COL11A1: variants seen among roughly 807,000 people sequenced by gnomAD.
COL11A1 encodes collagen type XI alpha 1 chain.
A neutral mutation model predicts 265.2 loss-of-function variants in COL11A1; 74 were observed. The ratio of observed to expected loss-of-function variants is 0.28; its 90% CI spans 0.23 to 0.34. COL11A1 has a LOEUF of 0.34. Ranked by LOEUF, COL11A1 falls within the 10% of genes least tolerant of loss-of-function variation. The pLI, the probability that COL11A1 is intolerant of heterozygous loss-of-function variation, is 1.00. For synonymous variants in COL11A1, 816 were observed against 727.6 expected, an observed-to-expected ratio of 1.12 and a Z score of -1.96; for missense variants, 2,165 against 2,263.6, an observed-to-expected ratio of 0.96 and a Z score of 0.88.
chr1:103,045,037 C>A (rs765979046), intron 4 of COL11A1, among the ~76,000 whole-genome samples: 1 of 151,912 alleles, frequency 6.6e-6, no homozygotes, highest in Non-Finnish European at 1.5e-5. Flanking sequence ...GCTTTCCAGG[C>A]AGAAGGACTA....
At chr1:103,031,091 C>T (rs1571095873) in intron 5 of COL11A1, 25 bp downstream of exon 5, 1 of 1,612,736 alleles carries the variant, frequency 6.2e-7, no homozygotes. Context: ...AATACGAAGA[C>T]CTTCTCTGGT....
intron 57 of COL11A1, among the ~76,000 whole-genome samples, chr1:102,892,431 C>A (rs956757829): frequency 6.6e-6 from 1 of 152,070 alleles, no homozygotes; most frequent in Non-Finnish European, 1.5e-5. Context: ...TGGATCTGAT[C>A]CAAGCAGTAT....
chr1:102,886,879 G>A lies in COL11A1; in HGVS notation c.4786C>T (p.Pro1596Ser). The change falls in exon 63 of 67, where the codon CCA (proline) becomes TCA (serine). Residue 1596 changes from proline to serine, a missense_variant. Pro to Ser is a moderately conservative substitution (Grantham distance 74). Coordinates refer to ENST00000370096, the MANE Select transcript of COL11A1 (RefSeq NM_001854.4). Reference sequence around the variant, plus strand: ...GCTGGATTGGTCTGAGTACCCATTGGAAATTTCATATGCTCAATGTCTTGT... The same window carrying A: ...GCTGGATTGGTCTGAGTACCCATTGAAAATTTCATATGCTCAATGTCTTGT... ...LKQDIEHMKF[P>S]MGTQTNPART... The A allele has an allele frequency of 6.2e-7, 1 of 1,613,822 alleles. No homozygotes were observed. Among genetic ancestry groups the A allele is most frequent in the East Asian group, 2.2e-5 (1 of 44,858 alleles).
In COL11A1 at chr1:102,946,962, A is replaced by T. The variant is rs747455411; in HGVS notation, c.3169-6T>A. 5 of 1,606,268 alleles carry T rather than the reference A, an allele frequency of 3.1e-6. No individual in the cohort carries two copies. In the South Asian group the frequency reaches 4.4e-5, roughly 14 times the overall value. Reference sequence around the variant, plus strand: ...CCACGTTCTCCTGGTGAGCCCTAGTATACAGGAAAAGAAGTATTTTGTTAT... The same window carrying T: ...CCACGTTCTCCTGGTGAGCCCTAGTTTACAGGAAAAGAAGTATTTTGTTAT... On this transcript the variant is annotated splice_region_variant and splice_polypyrimidine_tract_variant and intron_variant, in intron 41 of 66. Transcript: ENST00000370096.
chr1:102,935,137 AT>A, intron 44 of COL11A1, 24 bp from the exon 45 acceptor site: 1 of 1,607,266 alleles, frequency 6.2e-7, no homozygotes, highest in Non-Finnish European at 8.5e-7. Flanking sequence ...AAAATAAGTA[AT>A]TTTTAAAGTG....
intron 11 of COL11A1, among the ~76,000 whole-genome samples, chr1:103,016,155 T>G (rs72987805): frequency 0.02 from 3,087 of 152,144 alleles, 102 homozygotes; most frequent in African/African-American, 0.07. Context: ...TATATTTTAG[T>G]ATTCTTTAAC....
chr1:102,881,625 C>A (rs1161504202), intron 65 of COL11A1, 72 bp downstream of exon 65: 1 of 1,247,680 alleles, frequency 8.0e-7, no homozygotes, highest in Non-Finnish European at 1.2e-6. Context: ...CTGTTAAAGT[C>A]CAGAAATACA....
chr1:103,075,572 T>C (rs1238248950), intron 3 of COL11A1, among the ~76,000 whole-genome samples: 4 of 152,132 alleles, frequency 2.6e-5, no homozygotes, highest in African/African-American at 9.7e-5. Context: ...CCTTTGGAAA[T>C]GCACATTCCC....
At chr1:103,003,868 C>T (rs964607611) in intron 20 of COL11A1, among the ~76,000 whole-genome samples, 2 of 152,076 alleles carry the variant, frequency 1.3e-5, no homozygotes, top group Admixed American at 1.3e-4. Flanking sequence ...ATAAAATAAT[C>T]TAATTTCTCT....
chr1:103,072,103 T>TA (rs886129439), intron 4 of COL11A1, among the ~76,000 whole-genome samples: 15 of 151,888 alleles, frequency 9.9e-5, no homozygotes, highest in Admixed American at 2.0e-4. Flanking sequence ...GCTGAAATTA[T>TA]AAAATCTGAA....
intron 1 of COL11A1, among the ~76,000 whole-genome samples, chr1:103,089,643 C>T (rs1558044883): frequency 6.6e-6 from 1 of 152,102 alleles, no homozygotes; most frequent in Non-Finnish European, 1.5e-5. Context: ...GCAGCTGAAG[C>T]ACAGTAAATA....
intron 32 of COL11A1, 77 bp from the exon 33 acceptor site, chr1:102,979,181 T>C (rs1662799244): frequency 7.4e-7 from 1 of 1,358,080 alleles, no homozygotes; most frequent in Non-Finnish European, 1.1e-6. Flanking sequence ...TGAGTAGTCA[T>C]GCAAGAACAT....
chr1:102,901,931 T>C (rs769313105), intron 54 of COL11A1, among the ~76,000 whole-genome samples: 12 of 152,196 alleles, frequency 7.9e-5, no homozygotes, highest in African/African-American at 2.7e-4. Flanking sequence ...TCACAGAATT[T>C]AGTCACAAAC....
chr1:102,962,544 G>T, intron 39 of COL11A1, 109 bp downstream of exon 39: 1 of 981,748 alleles, frequency 1.0e-6, no homozygotes, highest in Non-Finnish European at 1.6e-6. Context: ...ATATTTTCCT[G>T]ACACATCTTC....
At position 102,876,538 on chromosome 1, in the gene COL11A1, GATTT is replaced by G. The variant is rs1557762030; in HGVS notation, c.*1477_*1480del. 6.6e-6 allele frequency: 1 copy of G among 152,312 alleles called. No homozygotes were observed. The highest frequency in any genetic ancestry group is 1.5e-5 in the Non-Finnish European group (1 of 67,878). 9.4% of individuals were successfully genotyped at this position (152,312 alleles called of 1,614,324 possible). A position where few individuals can be genotyped will look rare whatever the true frequency, so the allele number is the denominator to read the frequency against. On this transcript the variant is annotated 3_prime_UTR_variant, in exon 67 of 67. Coordinates refer to ENST00000370096, the MANE Select transcript of COL11A1 (RefSeq NM_001854.4). The stretch of plus-strand genomic sequence containing the variant: ...TTCTTAAAAGGACATTTACAAACTC[GATTT>G]CAAAAATAAAAGAAATTCTTTATGA...
At chr1:102,988,504 C>T (rs552967914) in intron 29 of COL11A1, among the ~76,000 whole-genome samples, 71 of 152,194 alleles carry the variant, frequency 4.7e-4, no homozygotes, top group African/African-American at 1.6e-3. Flanking sequence ...CAGGCAGTTA[C>T]AAAAATATAT....
intron 28 of COL11A1, among the ~76,000 whole-genome samples, chr1:102,994,294 G>A (rs1313097939): frequency 1.3e-5 from 2 of 152,064 alleles, no homozygotes; most frequent in African/African-American, 4.8e-5. Context: ...GACCTGGTGG[G>A]GGGTGATAGG....
intron 46 of COL11A1, among the ~76,000 whole-genome samples, chr1:102,931,677 A>G (rs1657464038): frequency 1.3e-5 from 2 of 151,916 alleles, no homozygotes; most frequent in East Asian, 3.9e-4. Flanking sequence ...TGATCTGTCT[A>G]ATGTTGACAG....
chr1:103,095,923 A>G (rs959363014), intron 1 of COL11A1, among the ~76,000 whole-genome samples: 1 of 152,082 alleles, frequency 6.6e-6, no homozygotes, highest in Non-Finnish European at 1.5e-5. Flanking sequence ...GATTGACTGC[A>G]TGGACAAAAC....
Sources: gnomAD v4.1 joint callset for allele counts (sites outside exome capture counted in the v4.1 genomes callset) on GRCh38, gnomAD v4.1.1 for gene constraint, MANE v1.5 for transcripts, NCBI Gene and HGNC (gene_info 2026-07-23, HGNC 2026-07-21) for gene names.